GALNT7: variants seen among roughly 807,000 people sequenced by gnomAD.
GALNT7 encodes N-acetylgalactosaminyltransferase 7.
A neutral mutation model predicts 82.1 loss-of-function variants in GALNT7; 60 were observed. The observed-to-expected ratio is 0.73, with a 90% CI of 0.59 to 0.91. The LOEUF is 0.91. Ranked by LOEUF, GALNT7 falls within the 40% of genes least tolerant of loss-of-function variation. The pLI, the probability that GALNT7 is intolerant of heterozygous loss-of-function variation, is 0.00. For missense variants in GALNT7, 660 were observed against 804.2 expected (o/e 0.82, Z 2.17); for synonymous variants, 243 against 275.1 (o/e 0.88, Z 1.15).
chr4:173,180,611 A>T (rs1341481116), intron 1 of GALNT7, among the ~76,000 whole-genome samples: 1 of 152,218 alleles, frequency 6.6e-6, no homozygotes, highest in East Asian at 1.9e-4. Context: ...TACAGGCGTG[A>T]GCCACTGCAC....
intron 1 of GALNT7, among the ~76,000 whole-genome samples, chr4:173,213,584 T>C (rs1368556413): frequency 1.3e-5 from 2 of 152,168 alleles, no homozygotes; most frequent in South Asian, 2.1e-4. Flanking sequence ...TGGATTGATA[T>C]TTTTGTTATA....
chr4:173,296,691 G>A (rs1736727493), intron 5 of GALNT7, among the ~76,000 whole-genome samples: 1 of 152,186 alleles, frequency 6.6e-6, no homozygotes, highest in South Asian at 2.1e-4. Flanking sequence ...CCCTGGGAAA[G>A]TTTACACTGC....
chr4:173,206,023 G>A (rs1672130023), intron 1 of GALNT7, among the ~76,000 whole-genome samples: 1 of 151,606 alleles, frequency 6.6e-6, no homozygotes. Context: ...TACCATCCTG[G>A]AACCTGGAAC....
At chr4:173,295,640 A>AGAT in intron 4 of GALNT7, 114 bp downstream of exon 4, 2 of 1,192,284 alleles carry the variant, frequency 1.7e-6, no homozygotes, top group Non-Finnish European at 2.5e-6. Context: ...TGGCTTAAAC[A>AGAT]GATAACTTAT....
rs1191063819 is a variant in GALNT7, at chr4:173,292,817, A to G, written c.754+543A>G. 1.3e-5 allele frequency among the ~76,000 whole-genome samples: 2 copies of G among 152,170 alleles called. No individual in the cohort carries two copies. The highest frequency in any genetic ancestry group is 2.4e-5 in the African/African-American group (1 of 41,450). On this transcript the variant is annotated intron_variant, in intron 3 of 11. Transcript: ENST00000265000. This position sits in a 1 kb window ranked among gnomAD's most constrained non-coding sequence, Gnocchi z 4.8. ...TTAACTAATCATTTTTAAGTATCCT[A>G]GAGAATGTATAGCTTTAAAATTTTT...
chr4:173,216,706 C>CATATATATATATATAT (rs202210734), intron 1 of GALNT7, among the ~76,000 whole-genome samples: 3 of 56,970 alleles, frequency 5.3e-5, no homozygotes, highest in African/African-American at 2.9e-4. Flanking sequence ...GTGTACTATT[C>CATATATATATATATAT]ATATATATAT....
chr4:173,305,486 C>A (rs748640337), intron 8 of GALNT7, among the ~76,000 whole-genome samples: 1 of 152,076 alleles, frequency 6.6e-6, no homozygotes, highest in African/African-American at 2.4e-5. Flanking sequence ...GGGGTTGTTA[C>A]ATCCAAAACC....
At chr4:173,281,518 C>T (rs1188305049) in intron 2 of GALNT7, among the ~76,000 whole-genome samples, 2 of 152,252 alleles carry the variant, frequency 1.3e-5, no homozygotes, top group East Asian at 3.9e-4. Context: ...AGCTACCATC[C>T]ATGTTCCCCA....
chr4:173,255,109 T>A (rs1734989274), intron 2 of GALNT7, among the ~76,000 whole-genome samples: 1 of 152,214 alleles, frequency 6.6e-6, no homozygotes, highest in Non-Finnish European at 1.5e-5. Flanking sequence ...CTACAGCAGT[T>A]TAGGGAGGTA....
At chr4:173,184,283 C>T (rs1003593196) in intron 1 of GALNT7, among the ~76,000 whole-genome samples, 11 of 151,992 alleles carry the variant, frequency 7.2e-5, no homozygotes, top group African/African-American at 2.4e-4. Context: ...GCCGAGATCA[C>T]GCCACTGCAC....
chr4:173,266,351 G>A (rs190200393), intron 2 of GALNT7, among the ~76,000 whole-genome samples: 121 of 152,260 alleles, frequency 7.9e-4, no homozygotes, highest in African/African-American at 2.8e-3. Context: ...CTCACTTTGT[G>A]GATAAGGAAT....
intron 2 of GALNT7, among the ~76,000 whole-genome samples, chr4:173,271,928 A>G (rs1397049940): frequency 1.3e-5 from 2 of 152,180 alleles, no homozygotes; most frequent in African/African-American, 2.4e-5. Context: ...GATGACCACA[A>G]TTTATTTCAT....
chr4:173,190,191 C>G (rs953542569), intron 1 of GALNT7, among the ~76,000 whole-genome samples: 7 of 152,018 alleles, frequency 4.6e-5, no homozygotes, highest in Non-Finnish European at 7.3e-5. Flanking sequence ...CTCTGTCATT[C>G]CTGGAGAGTT....
At chr4:173,230,948 G>A (rs1455639209) in intron 1 of GALNT7, among the ~76,000 whole-genome samples, 1 of 152,148 alleles carries the variant, frequency 6.6e-6, no homozygotes, top group Non-Finnish European at 1.5e-5. Context: ...GCTCAATTGT[G>A]AATAATTTAG....
chr4:173,315,897 T>C (rs1435206454), intron 9 of GALNT7: 1 of 152,196 alleles, frequency 6.6e-6, no homozygotes, highest in African/African-American at 2.4e-5. Flanking sequence ...AACTTTGGAG[T>C]CTTCCATGAA....
chr4:173,280,497 G>A (rs1579985400), intron 2 of GALNT7, among the ~76,000 whole-genome samples: 2 of 152,240 alleles, frequency 1.3e-5, no homozygotes, highest in Admixed American at 6.5e-5. Context: ...ACCTGACCCA[G>A]ATAGCTACCC....
intron 2 of GALNT7, chr4:173,268,369 C>T (rs1396053872): frequency 2.0e-5 from 3 of 152,082 alleles, no homozygotes; most frequent in East Asian, 3.9e-4. Context: ...ATTTTCTGCA[C>T]AGGACACAGC....
intron 2 of GALNT7, among the ~76,000 whole-genome samples, chr4:173,291,749 C>G (rs1366534123): frequency 2.7e-5 from 4 of 150,000 alleles, no homozygotes; most frequent in Admixed American, 1.3e-4. Context: ...ATCTCTTGTG[C>G]CAAAAGCTCA....
At chr4:173,279,460 G>C (rs1736032627) in intron 2 of GALNT7, among the ~76,000 whole-genome samples, 1 of 152,098 alleles carries the variant, frequency 6.6e-6, no homozygotes, top group Admixed American at 6.5e-5. Flanking sequence ...TTTGTGGGGG[G>C]CAAACATCCA....
Sources: gnomAD v4.1 joint callset for allele counts (sites outside exome capture counted in the v4.1 genomes callset) on GRCh38, gnomAD v4.1.1 for gene constraint, Gnocchi (gnomAD v3.1) non-coding constraint, MANE v1.5 for transcripts, NCBI Gene and HGNC (gene_info 2026-07-23, HGNC 2026-07-21) for gene names.